Variants in TRPC5 observed in about 807,000 individuals in gnomAD.
TRPC5 encodes the protein transient receptor potential cation channel subfamily C member 5, also known as short transient receptor potential channel 5.
A neutral mutation model predicts 56.5 loss-of-function variants in TRPC5; 9 were observed. The observed-to-expected ratio is 0.16, with a 90% CI of 0.10 to 0.28. The LOEUF is 0.28. TRPC5 is among the 10% of genes least tolerant of loss of function. The probability of loss-of-function intolerance (pLI) is 1.00; values close to 1 mark genes in which losing one functional copy is unlikely to be tolerated. For synonymous variants in TRPC5, 282 were observed against 278.5 expected (o/e 1.01, Z -0.13); for missense variants, 469 against 748.9 (o/e 0.63, Z 4.36).
chrX:111,804,604 T>C (rs1398588010), intron 7 of TRPC5, among the ~76,000 whole-genome samples: 1 of 111,330 alleles, frequency 9.0e-6, no homozygotes, highest in Non-Finnish European at 1.9e-5. Flanking sequence ...ATTTTATTCT[T>C]TTTGTAGCAA....
chrX:111,944,267 A>AGT (rs36057312), intron 2 of TRPC5, among the ~76,000 whole-genome samples: 17,100 of 71,155 alleles, frequency 0.24, 2,355 homozygotes, highest in East Asian at 0.65. Flanking sequence ...GGAGTAGAAG[A>AGT]GTGTGTGTGT....
At chrX:112,080,920 A>C in intron 1 of TRPC5, among the ~76,000 whole-genome samples, 1 of 112,378 alleles carries the variant, frequency 8.9e-6, no homozygotes, top group Non-Finnish European at 1.9e-5. Flanking sequence ...TTCACATTTG[A>C]AGCCAAGGGT....
chrX:111,897,019 C>T (rs992733554), intron 3 of TRPC5, among the ~76,000 whole-genome samples: 2 of 112,007 alleles, frequency 1.8e-5, no homozygotes, highest in African/African-American at 6.5e-5. Flanking sequence ...GATGGTTTAG[C>T]GTACACAAAC....
At chrX:112,078,419 A>T (rs1930887145) in intron 1 of TRPC5, among the ~76,000 whole-genome samples, 1 of 112,051 alleles carries the variant, frequency 8.9e-6, no homozygotes, top group South Asian at 3.7e-4. Context: ...ATCAGCAAAC[A>T]GTACTGGGTT....
At chrX:111,950,520 G>A (rs1406109195) in intron 2 of TRPC5, among the ~76,000 whole-genome samples, 1 of 111,083 alleles carries the variant, frequency 9.0e-6, no homozygotes, top group Non-Finnish European at 1.9e-5. Flanking sequence ...ACAAGGATGG[G>A]AAGGGGGAGA....
At chrX:111,998,108 G>A (rs1435155231) in intron 1 of TRPC5, among the ~76,000 whole-genome samples, 1 of 111,107 alleles carries the variant, frequency 9.0e-6, no homozygotes, top group Admixed American at 9.6e-5. Flanking sequence ...TTCTGCTCTG[G>A]TCTCTCCCCA....
chrX:111,866,946 G>A (rs1446928913), intron 3 of TRPC5, among the ~76,000 whole-genome samples: 1 of 112,149 alleles, frequency 8.9e-6, no homozygotes. Flanking sequence ...CAAGTATTTT[G>A]GAGTACCTGC....
At chrX:112,081,328 C>T (rs752133733) in intron 1 of TRPC5, among the ~76,000 whole-genome samples, 20 of 111,704 alleles carry the variant, frequency 1.8e-4, no homozygotes, top group African/African-American at 5.2e-4. Flanking sequence ...TTTCTTGGTT[C>T]CTTTAAGGAA....
intron 7 of TRPC5, among the ~76,000 whole-genome samples, chrX:111,797,839 A>G (rs1388976056): frequency 1.8e-5 from 2 of 111,711 alleles, no homozygotes; most frequent in African/African-American, 6.5e-5. Flanking sequence ...TTATTGAGAT[A>G]TATTATATAC....
At chrX:112,052,979 G>T (rs901012481) in intron 1 of TRPC5, among the ~76,000 whole-genome samples, 2 of 111,616 alleles carry the variant, frequency 1.8e-5, no homozygotes, top group African/African-American at 6.5e-5. Flanking sequence ...GCCTTTGTGT[G>T]CCAGGAAAAC....
At chrX:111,992,660 TG>T in intron 1 of TRPC5, among the ~76,000 whole-genome samples, 1 of 109,615 alleles carries the variant, frequency 9.1e-6, no homozygotes, top group Non-Finnish European at 1.9e-5. Flanking sequence ...TAGAGTGCAG[TG>T]GCACGATCTC....
intron 3 of TRPC5, among the ~76,000 whole-genome samples, chrX:111,865,227 C>G (rs376134783): frequency 3.0e-4 from 33 of 109,744 alleles, no homozygotes; most frequent in African/African-American, 9.6e-4. Context: ...TGTTACCCCC[C>G]CCAGCCTGGT....
At chrX:111,990,676 T>A (rs1928330833) in intron 1 of TRPC5, among the ~76,000 whole-genome samples, 1 of 110,938 alleles carries the variant, frequency 9.0e-6, no homozygotes, top group Admixed American at 9.6e-5. Flanking sequence ...CAAGCAAAGA[T>A]GTTCTCTTCA....
At chrX:112,015,671 A>G (rs1398097053) in intron 1 of TRPC5, among the ~76,000 whole-genome samples, 1 of 111,641 alleles carries the variant, frequency 9.0e-6, no homozygotes, top group African/African-American at 3.3e-5. Flanking sequence ...CTCAATCTCC[A>G]TGACAATTTT....
intron 1 of TRPC5, among the ~76,000 whole-genome samples, chrX:111,964,299 A>G (rs1269677027): frequency 8.9e-6 from 1 of 112,050 alleles, no homozygotes; most frequent in African/African-American, 3.2e-5. Flanking sequence ...AAATGAACAA[A>G]GCCTCCAAGA....
At chrX:111,789,202 G>A (rs1407294061) in intron 7 of TRPC5, among the ~76,000 whole-genome samples, 1 of 111,676 alleles carries the variant, frequency 9.0e-6, no homozygotes, top group South Asian at 3.8e-4. Context: ...GCATGGTACT[G>A]GTACCAAAAC....
intron 1 of TRPC5, among the ~76,000 whole-genome samples, chrX:111,955,637 T>C (rs1449667649): frequency 8.9e-6 from 1 of 111,942 alleles, no homozygotes; most frequent in East Asian, 2.8e-4. Context: ...CCCCCACAGC[T>C]GCAGCCACTT....
In TRPC5 at chrX:111,773,520, G is replaced by A. The variant is rs924650950; in HGVS notation, c.*2793C>T. ...ACTTCACATTTAAATATGTAAGTCT[G>A]AAGTTTTGGAGTTCACAGCATTTTT... On this transcript the variant is annotated 3_prime_UTR_variant, in exon 11 of 11. Transcript: ENST00000262839. 1.8e-5 allele frequency among the ~76,000 whole-genome samples: 2 copies of A among 111,684 alleles called. No individual in the cohort carries two copies. The highest frequency in any genetic ancestry group is 9.5e-5 in the Admixed American group (1 of 10,475).
At chrX:111,792,011 TGTTTAC>T (rs1409136873) in intron 7 of TRPC5, among the ~76,000 whole-genome samples, 1 of 112,430 alleles carries the variant, frequency 8.9e-6, no homozygotes, top group Non-Finnish European at 1.9e-5. Context: ...TGCACATGTA[TGTTTAC>T]TGAAGCAGTA....
Sources: gnomAD v4.1 joint callset for allele counts (sites outside exome capture counted in the v4.1 genomes callset) on GRCh38, gnomAD v4.1.1 for gene constraint, MANE v1.5 for transcripts, NCBI Gene and HGNC (gene_info 2026-07-23, HGNC 2026-07-21) for gene names.